The following ITFG1 variants were observed in gnomAD, a reference collection of about 807,000 sequenced individuals.
The protein encoded by ITFG1 is integrin alpha FG-GAP repeat containing 1.
ITFG1 carries 34 observed loss-of-function variants against 81.8 expected under a neutral mutation model. The ratio of observed to expected loss-of-function variants is 0.42; its 90% CI spans 0.32 to 0.55. The LOEUF is 0.55. Among genes scored for constraint, ITFG1 ranks in the 20% least tolerant of loss-of-function variants. The pLI is 0.17. For missense variants in ITFG1, 672 were observed against 755.4 expected (o/e 0.89, Z 1.29); for synonymous variants, 285 against 270.6 (o/e 1.05, Z -0.52).
At chr16:47,361,429 TAAC>T (rs1421065041) in intron 8 of ITFG1, among the ~76,000 whole-genome samples, 1 of 152,302 alleles carries the variant, frequency 6.6e-6, no homozygotes, top group African/African-American at 2.4e-5. Context: ...TAATAAGAGA[TAAC>T]ACCTTATTTA....
intron 5 of ITFG1, among the ~76,000 whole-genome samples, chr16:47,443,706 C>G (rs1969286127): frequency 6.6e-6 from 1 of 152,014 alleles, no homozygotes; most frequent in Non-Finnish European, 1.5e-5. Context: ...AAAGAGAACA[C>G]ATGGACAGAG....
At chr16:47,391,757 G>A (rs1423588082) in intron 6 of ITFG1, among the ~76,000 whole-genome samples, 2 of 152,110 alleles carry the variant, frequency 1.3e-5, no homozygotes, top group Non-Finnish European at 2.9e-5. Flanking sequence ...GAAGGATTTG[G>A]TTATTAAATT....
At position 47,451,376 on chromosome 16, in the gene ITFG1, T is replaced by C; in HGVS notation, c.560+20A>G. On this transcript the variant is annotated intron_variant, in intron 5 of 17. Coordinates refer to ENST00000320640, the MANE Select transcript of ITFG1 (RefSeq NM_030790.5). ...GCAATATATACGATTAATTACATAGTTATAACCATATTTACTCACCCTCCT... is the reference window on the plus strand; with the variant it reads ...GCAATATATACGATTAATTACATAGCTATAACCATATTTACTCACCCTCCT... The C allele has an allele frequency of 2.3e-6, 3 of 1,321,080 alleles. No individual in the cohort carries two copies. The highest frequency in any genetic ancestry group is 3.3e-6 in the Non-Finnish European group (3 of 922,052). 81.8% of individuals were successfully genotyped at this position (1,321,080 alleles called of 1,614,324 possible).
At chr16:47,337,662 T>A (rs542806727) in intron 8 of ITFG1, among the ~76,000 whole-genome samples, 1 of 152,344 alleles carries the variant, frequency 6.6e-6, no homozygotes, top group East Asian at 1.9e-4. Context: ...AATGTCTGTG[T>A]AGTGATCCTC....
rs560436522 is a variant in ITFG1, at chr16:47,241,458, T to C, written c.1331-3450A>G. Reference sequence around the variant, plus strand: ...GGAATATACATGCAACAGAATATTATTTGGCAATTAAAAGGAATAAAGTAC... The same window carrying C: ...GGAATATACATGCAACAGAATATTACTTGGCAATTAAAAGGAATAAAGTAC... On this transcript the variant is annotated intron_variant, in intron 12 of 17. Coordinates refer to ENST00000320640, the MANE Select transcript of ITFG1 (RefSeq NM_030790.5). Among the ~76,000 whole-genome samples the C allele has an allele frequency of 6.8e-4, 103 of 152,308 alleles. 1 individual carries two copies. The highest frequency in any genetic ancestry group is 2.4e-3 in the African/African-American group (98 of 41,566).
Position 47,314,658 on chromosome 16 carries a change from T to C in ITFG1, c.803-835A>G, listed in dbSNP as rs1330799232. ...CCCATCTAATGTCCCTGCTACCTGATGGGGTTTACAGATTTTGATGTCGCA... is the reference window on the plus strand; with the variant it reads ...CCCATCTAATGTCCCTGCTACCTGACGGGGTTTACAGATTTTGATGTCGCA... On this transcript the variant is annotated intron_variant, in intron 8 of 17. Coordinates refer to ENST00000320640, the MANE Select transcript of ITFG1 (RefSeq NM_030790.5). Among the ~76,000 whole-genome samples the C allele has an allele frequency of 2.6e-5, 4 of 152,162 alleles. No homozygotes were observed. In the East Asian group the frequency reaches 7.7e-4, roughly 29 times the overall value.
intron 12 of ITFG1, among the ~76,000 whole-genome samples, chr16:47,242,713 T>C (rs530370447): frequency 6.6e-6 from 1 of 152,322 alleles, no homozygotes; most frequent in South Asian, 2.1e-4. Flanking sequence ...TTTTCATATA[T>C]ATACTGTAGG....
At chr16:47,242,157 G>C (rs2151535511) in intron 12 of ITFG1, among the ~76,000 whole-genome samples, 1 of 151,964 alleles carries the variant, frequency 6.6e-6, no homozygotes, top group South Asian at 2.1e-4. Context: ...AAATAAGAAA[G>C]ATACCATAAA....
At position 47,397,335 on chromosome 16, in the gene ITFG1, T is replaced by C. The variant is rs145530761; in HGVS notation, c.656-21395A>G. On this transcript the variant is annotated intron_variant, in intron 6 of 17. Coordinates refer to ENST00000320640, the MANE Select transcript of ITFG1 (RefSeq NM_030790.5). ...GCACAGGGGTCAGGGATGGGTAAGT[T>C]AGGAGACAGAGCTCAAGGGAATGGT... 9.0e-3 allele frequency among the ~76,000 whole-genome samples: 1,367 copies of C among 152,094 alleles called. 11 individuals carry two copies. Among genetic ancestry groups the C allele is most frequent in the Middle Eastern group, 0.014 (4 of 294 alleles).
At chr16:47,287,580 T>C (rs1596862590) in intron 10 of ITFG1, among the ~76,000 whole-genome samples, 1 of 151,926 alleles carries the variant, frequency 6.6e-6, no homozygotes, top group South Asian at 2.1e-4. Flanking sequence ...TAAAATTTTT[T>C]TTTGTAGAGA....
chr16:47,460,784 C>T lies in ITFG1; in HGVS notation c.208+54G>A, dbSNP rs1238571095. ...GCCATTGGGCAATGGGTTTGGGGAA[C>T]ACCGGGAGAGGCACACGGACAGCGA... On this transcript the variant is annotated intron_variant, in intron 1 of 17. Transcript: ENST00000320640. 5.1e-6 allele frequency: 8 copies of T among 1,583,120 alleles called. No individual in the cohort carries two copies. In the African/African-American group the frequency reaches 9.4e-5, roughly 19 times the overall value.
intron 8 of ITFG1, among the ~76,000 whole-genome samples, chr16:47,319,454 A>T (rs1967415332): frequency 6.6e-6 from 1 of 152,222 alleles, no homozygotes; most frequent in African/African-American, 2.4e-5. Context: ...AAGAAATGGT[A>T]TTTTAAGAAG....
intron 6 of ITFG1, among the ~76,000 whole-genome samples, chr16:47,387,958 T>A (rs1387397856): frequency 6.6e-6 from 1 of 151,132 alleles, no homozygotes; most frequent in Non-Finnish European, 1.5e-5. Context: ...AAGGAAATTA[T>A]GCTTAAAGAA....
chr16:47,177,497 T>G (rs1965044519), intron 14 of ITFG1, among the ~76,000 whole-genome samples: 1 of 152,174 alleles, frequency 6.6e-6, no homozygotes, highest in African/African-American at 2.4e-5. Context: ...CTTGATATGT[T>G]TAAATATGTA....
chr16:47,191,955 G>A (rs188766049), intron 14 of ITFG1, among the ~76,000 whole-genome samples: 1 of 152,302 alleles, frequency 6.6e-6, no homozygotes, highest in Admixed American at 6.5e-5. Context: ...ACAGGCAAGT[G>A]CCATCACGTC....
intron 10 of ITFG1, among the ~76,000 whole-genome samples, chr16:47,283,497 C>A (rs998566072): frequency 6.6e-6 from 1 of 152,114 alleles, no homozygotes; most frequent in Admixed American, 6.6e-5. Flanking sequence ...CTGTCTCTGT[C>A]CATTCTATTG....
At chr16:47,270,665 G>A (rs939434996) in intron 10 of ITFG1, among the ~76,000 whole-genome samples, 3 of 152,142 alleles carry the variant, frequency 2.0e-5, no homozygotes, top group South Asian at 2.1e-4. Context: ...GCTCATCAAC[G>A]TGTAAATGGA....
chr16:47,377,663 G>T (rs1346070918), intron 6 of ITFG1, among the ~76,000 whole-genome samples: 1 of 152,108 alleles, frequency 6.6e-6, no homozygotes, highest in Non-Finnish European at 1.5e-5. Context: ...TCCTTCTAGA[G>T]TTCCTTCCTC....
At chr16:47,193,927 A>G (rs933969644) in intron 14 of ITFG1, among the ~76,000 whole-genome samples, 2 of 152,228 alleles carry the variant, frequency 1.3e-5, no homozygotes, top group African/African-American at 4.8e-5. Context: ...AGTGAAACCA[A>G]TGGGAATATC....
Sources: gnomAD v4.1 joint callset for allele counts (sites outside exome capture counted in the v4.1 genomes callset) on GRCh38, gnomAD v4.1.1 for gene constraint, MANE v1.5 for transcripts, NCBI Gene and HGNC (gene_info 2026-07-23, HGNC 2026-07-21) for gene names.